DNAJB4: variants seen among roughly 807,000 people sequenced by gnomAD.
DNAJB4 encodes the protein dnaJ homolog subfamily B member 4.
In DNAJB4, 10 loss-of-function variants were observed where a neutral mutation model predicts 26.6. That is an observed-to-expected ratio of 0.38 (90% CI 0.23 to 0.64). The LOEUF (loss-of-function observed/expected upper bound fraction) is 0.64, where lower values mean the gene tolerates loss of function less well. Among genes scored for constraint, DNAJB4 ranks in the 30% least tolerant of loss-of-function variants. The pLI is 0.58. For synonymous variants in DNAJB4, 136 were observed against 134.8 expected (o/e 1.01, Z -0.06); for missense variants, 328 against 408.2 (o/e 0.80, Z 1.69).
At chr1:78,005,422 G>A (rs1660307963) in intron 1 of DNAJB4, 101 bp downstream of exon 1, 2 of 1,015,604 alleles carry the variant, frequency 2.0e-6, no homozygotes, top group Non-Finnish European at 2.8e-6. Flanking sequence ...AGCTTGTTAA[G>A]GTTATCCTTA....
Position 78,016,386 on chromosome 1 carries a change from G to T in DNAJB4, c.*139G>T. The T allele has an allele frequency of 1.5e-6, 1 of 672,006 alleles. No individual in the cohort carries two copies. Among genetic ancestry groups the T allele is most frequent in the South Asian group, 2.4e-5 (1 of 42,390 alleles). 41.6% of individuals were successfully genotyped at this position (672,006 alleles called of 1,614,324 possible). A position where few individuals can be genotyped will look rare whatever the true frequency, so the allele number is the denominator to read the frequency against. The stretch of plus-strand genomic sequence containing the variant: ...TTCATTAAATTGCATGAATAGAGAC[G>T]GGTCAAATAAATAGGCAAAAGGGAT... On this transcript the variant is annotated 3_prime_UTR_variant, in exon 3 of 3. Coordinates refer to ENST00000370763, the MANE Select transcript of DNAJB4 (RefSeq NM_007034.5).
rs1241266521 is a variant in DNAJB4 at position 78,017,114 on chromosome 1, AC to A, written c.*868del. On this transcript the variant is annotated 3_prime_UTR_variant, in exon 3 of 3. Transcript: ENST00000370763. ...AACTTACTAATAATATTCTATATGT[AC>A]TTTATGTAATTTCCCTAAAAAGAAT... The A allele has an allele frequency of 6.6e-6, 1 of 152,018 alleles. No individual in the cohort carries two copies. The highest frequency in any genetic ancestry group is 2.4e-5 in the African/African-American group (1 of 41,432). The allele number at this position is 152,018 out of a possible 1,614,324, so 9.4% of individuals were successfully genotyped here. A position where few individuals can be genotyped will look rare whatever the true frequency, so the allele number is the denominator to read the frequency against.
chr1:78,008,777 C>T (rs550707630), intron 1 of DNAJB4, among the ~76,000 whole-genome samples: 1 of 152,118 alleles, frequency 6.6e-6, no homozygotes, highest in East Asian at 1.9e-4. Context: ...ATAGTTGAAT[C>T]ATTTGAAAAC....
chr1:77,991,221 C>T (rs1304176612), intron 1 of DNAJB4, among the ~76,000 whole-genome samples: 2 of 152,082 alleles, frequency 1.3e-5, no homozygotes, highest in Non-Finnish European at 2.9e-5. Context: ...ACTTTGGTGC[C>T]TGTGTACTCA....
chr1:77,983,078 G>A (rs1021377424), intron 1 of DNAJB4, among the ~76,000 whole-genome samples: 2 of 152,170 alleles, frequency 1.3e-5, no homozygotes, highest in African/African-American at 4.8e-5. Context: ...CTCGAAGAGG[G>A]GGATGTGTCA....
intron 1 of DNAJB4, among the ~76,000 whole-genome samples, chr1:77,991,083 A>ATC: frequency 6.6e-6 from 1 of 152,268 alleles, no homozygotes; most frequent in Admixed American, 6.5e-5. Context: ...ACAGAAGCCC[A>ATC]TCTACAGGGT....
intron 2 of DNAJB4, among the ~76,000 whole-genome samples, chr1:78,013,829 A>G (rs1276334219): frequency 6.6e-6 from 1 of 152,124 alleles, no homozygotes; most frequent in Admixed American, 6.5e-5. Context: ...TAAAGTGTCA[A>G]GTGTTAACTG....
At chr1:78,004,716 T>C (rs927517225), upstream of DNAJB4, 2 of 188,020 alleles carry the variant, frequency 1.1e-5, no homozygotes, top group African/African-American at 2.4e-5. Context: ...TTGTCCTGTT[T>C]AATTAGGAAA....
chr1:77,986,915 ATTGCATAATGG>A (rs1358331303), intron 1 of DNAJB4, among the ~76,000 whole-genome samples: 1 of 152,002 alleles, frequency 6.6e-6, no homozygotes, highest in Non-Finnish European at 1.5e-5. Context: ...TCCCCTAATG[ATTGCATAATGG>A]TTGCCACAGT....
At chr1:77,985,803 A>T (rs891259674) in intron 1 of DNAJB4, among the ~76,000 whole-genome samples, 1 of 152,074 alleles carries the variant, frequency 6.6e-6, no homozygotes, top group Non-Finnish European at 1.5e-5. Flanking sequence ...CATTTATTCA[A>T]TTCAACAAAA....
At chr1:78,011,744 A>G (rs1162043458) in intron 1 of DNAJB4, among the ~76,000 whole-genome samples, 1 of 152,036 alleles carries the variant, frequency 6.6e-6, no homozygotes, top group Non-Finnish European at 1.5e-5. Context: ...TCGGCCTCCC[A>G]AAGTGCTGGG....
intron 1 of DNAJB4, among the ~76,000 whole-genome samples, chr1:78,010,313 T>C (rs923211334): frequency 6.6e-6 from 1 of 152,100 alleles, no homozygotes; most frequent in African/African-American, 2.4e-5. Context: ...AAGGATAAAA[T>C]TATTTAAATA....
At chr1:77,995,495 C>T (rs1463966613) in intron 1 of DNAJB4, among the ~76,000 whole-genome samples, 1 of 152,194 alleles carries the variant, frequency 6.6e-6, no homozygotes, top group Non-Finnish European at 1.5e-5. Flanking sequence ...GTTGCCCAGG[C>T]TTGAAGTGCA....
chr1:77,996,935 A>G (rs1660075767), intron 1 of DNAJB4, among the ~76,000 whole-genome samples: 1 of 152,188 alleles, frequency 6.6e-6, no homozygotes, highest in African/African-American at 2.4e-5. Flanking sequence ...CCTGGTCTCA[A>G]GTGATCCTCT....
At chr1:77,984,883 T>C (rs1659755478) in intron 1 of DNAJB4, among the ~76,000 whole-genome samples, 1 of 152,222 alleles carries the variant, frequency 6.6e-6, no homozygotes, top group Non-Finnish European at 1.5e-5. Context: ...ATCTCGCCCA[T>C]TTGTTTCATT....
At chr1:77,987,328 A>G (rs982674421) in intron 1 of DNAJB4, among the ~76,000 whole-genome samples, 2 of 152,176 alleles carry the variant, frequency 1.3e-5, no homozygotes, top group Non-Finnish European at 2.9e-5. Flanking sequence ...CAGTGGTGCA[A>G]TCTTAGCTCA....
At chr1:78,002,713 C>T (rs961260836), upstream of DNAJB4, among the ~76,000 whole-genome samples, 28 of 152,008 alleles carry the variant, frequency 1.8e-4, no homozygotes, top group Admixed American at 1.8e-3. Context: ...ACAACAATCA[C>T]GTAATACAAC....
intron 1 of DNAJB4, among the ~76,000 whole-genome samples, chr1:78,011,485 CT>C (rs34009878): frequency 0.78 from 97,905 of 125,586 alleles, 37,386 homozygotes; most frequent in East Asian, 0.85. Flanking sequence ...TATTTTAATT[CT>C]TTTTTTTTTT....
intron 1 of DNAJB4, among the ~76,000 whole-genome samples, chr1:78,005,562 T>C (rs1660311564): frequency 6.6e-6 from 1 of 152,204 alleles, no homozygotes; most frequent in African/African-American, 2.4e-5. Flanking sequence ...TATTTTAGCA[T>C]TTTGTATTAT....
Sources: allele counts gnomAD v4.1 joint callset (sites outside exome capture counted in the v4.1 genomes callset), GRCh38; gene constraint gnomAD v4.1.1; transcripts MANE v1.5; gene names NCBI Gene and HGNC (gene_info 2026-07-23, HGNC 2026-07-21).